TEK: variants seen among roughly 807,000 people sequenced by gnomAD.
TEK encodes TEK receptor tyrosine kinase.
In TEK, 43 loss-of-function variants were observed where a neutral mutation model predicts 131.8. The observed-to-expected ratio is 0.33, with a 90% CI of 0.26 to 0.42. The LOEUF (loss-of-function observed/expected upper bound fraction) is 0.42, where lower values mean the gene tolerates loss of function less well. Ranked by LOEUF, TEK falls within the 10% of genes least tolerant of loss-of-function variation. TEK has a pLI of 1.00. For missense variants in TEK, 1,162 were observed against 1,384.4 expected (o/e 0.84, Z 2.55); for synonymous variants, 580 against 491.6 (o/e 1.18, Z -2.38).
At chr9:27,173,928 T>TA (rs113238770) in intron 6 of TEK, among the ~76,000 whole-genome samples, 22,004 of 141,766 alleles carry the variant, frequency 0.16, 1,755 homozygotes, top group Admixed American at 0.19. Flanking sequence ...AGACCTCGTT[T>TA]AAAAAAAAAA....
At chr9:27,204,828 A>G in intron 13 of TEK, 83 bp from the exon 14 acceptor site, 1 of 1,585,950 alleles carries the variant, frequency 6.3e-7, no homozygotes, top group East Asian at 2.2e-5. Context: ...TTCCCATTAC[A>G]CTGTGTCTTC....
At chr9:27,136,347 T>C (rs1361682005) in intron 1 of TEK, among the ~76,000 whole-genome samples, 1 of 152,166 alleles carries the variant, frequency 6.6e-6, no homozygotes, top group Non-Finnish European at 1.5e-5. Context: ...CCCAAAGTGC[T>C]GGGATTACAG....
At chr9:27,221,793 T>C (rs896156753) in intron 21 of TEK, among the ~76,000 whole-genome samples, 4 of 152,182 alleles carry the variant, frequency 2.6e-5, no homozygotes, top group Admixed American at 6.5e-5. Context: ...GAGAAACCAG[T>C]GCAAAACCGC....
At chr9:27,132,092 T>C (rs1385829237) in intron 1 of TEK, among the ~76,000 whole-genome samples, 2 of 150,748 alleles carry the variant, frequency 1.3e-5, no homozygotes, top group African/African-American at 4.9e-5. Context: ...ATTCTTTTTT[T>C]TTTTTTTTTT....
At position 27,192,574 on chromosome 9, in the gene TEK, T is replaced by G. The variant is rs777754814; in HGVS notation, c.1575T>G (p.Gly525=). 3.1e-6 allele frequency: 5 copies of G among 1,612,652 alleles called. No individual in the cohort carries two copies. Among genetic ancestry groups the G allele is most frequent in the Non-Finnish European group, 3.4e-6 (4 of 1,179,666 alleles). The change falls in exon 11 of 23, where the codon GGT becomes GGG. Residue 525 remains glycine (G), a synonymous_variant. Transcript: ENST00000380036. ...LCVQLVRRGE[G]GEGHPGPVRR... is the part of the protein sequence containing the mutation. ...TGCAACTGGTCCGTCGTGGAGAGGGTGGGGAAGGGCATCCTGGACCTGTGA... is the reference window on the plus strand; with the variant it reads ...TGCAACTGGTCCGTCGTGGAGAGGGGGGGGAAGGGCATCCTGGACCTGTGA...
intron 1 of TEK, among the ~76,000 whole-genome samples, chr9:27,113,589 TAA>T (rs1821433092): frequency 1.3e-3 from 1 of 776 alleles, no homozygotes; most frequent in African/African-American, 1.7e-3. Context: ...TCCGTCTCAA[TAA>T]AATAAAATAA....
chr9:27,137,812 C>T (rs1822540210), intron 1 of TEK, among the ~76,000 whole-genome samples: 1 of 152,052 alleles, frequency 6.6e-6, no homozygotes, highest in Non-Finnish European at 1.5e-5. Context: ...TATTTTTTCT[C>T]TCTGCCTTTC....
At chr9:27,167,871 T>C (rs996485866) in intron 2 of TEK, among the ~76,000 whole-genome samples, 36 of 151,800 alleles carry the variant, frequency 2.4e-4, no homozygotes, top group African/African-American at 6.3e-4. Flanking sequence ...GTTTTTTTTT[T>C]CCCACTTTAA....
At position 27,185,649 on chromosome 9, in the gene TEK, A is replaced by G; in HGVS notation, c.1327+20A>G. On this transcript the variant is annotated intron_variant, in intron 9 of 22. Coordinates refer to ENST00000380036, the MANE Select transcript of TEK (RefSeq NM_000459.5). ...TTAAAGGTAAGTTCATTTCCCAGAA[A>G]AAGGGATTGTGTCCTTGATGCATTA... The G allele has an allele frequency of 6.2e-7, 1 of 1,613,394 alleles. No individual in the cohort carries two copies. Among genetic ancestry groups the G allele is most frequent in the Non-Finnish European group, 8.5e-7 (1 of 1,179,566 alleles).
chr9:27,177,613 G>C (rs577876120), intron 6 of TEK, among the ~76,000 whole-genome samples: 1 of 152,222 alleles, frequency 6.6e-6, no homozygotes, highest in Non-Finnish European at 1.5e-5. Context: ...AGTCAGGCAC[G>C]GTGGTGCATG....
At chr9:27,217,918 G>C (rs1056725906) in intron 19 of TEK, among the ~76,000 whole-genome samples, 160 bp downstream of exon 19, 4 of 152,172 alleles carry the variant, frequency 2.6e-5, no homozygotes, top group African/African-American at 9.7e-5. Flanking sequence ...CCACAGAGTA[G>C]ACAGTTTCCA....
At chr9:27,222,839 G>A (rs1826142640) in intron 21 of TEK, among the ~76,000 whole-genome samples, 1 of 151,972 alleles carries the variant, frequency 6.6e-6, no homozygotes, top group Non-Finnish European at 1.5e-5. Context: ...GCAGCATAAT[G>A]ACAGGATCAA....
intron 1 of TEK, among the ~76,000 whole-genome samples, chr9:27,131,503 A>T (rs962223183): frequency 2.7e-5 from 4 of 149,770 alleles, no homozygotes; most frequent in African/African-American, 4.9e-5. Context: ...AAAAGTTATG[A>T]TAAAATTAAG....
chr9:27,143,342 G>A (rs1252353511), intron 1 of TEK, among the ~76,000 whole-genome samples: 1 of 152,148 alleles, frequency 6.6e-6, no homozygotes, highest in Non-Finnish European at 1.5e-5. Flanking sequence ...TGTCCTGCTG[G>A]CACTTTCTGC....
chr9:27,204,195 A>C (rs74329436), intron 13 of TEK, among the ~76,000 whole-genome samples: 1 of 152,244 alleles, frequency 6.6e-6, no homozygotes. Flanking sequence ...TAGAGATAGA[A>C]GAAAAGATAA....
intron 1 of TEK, among the ~76,000 whole-genome samples, chr9:27,123,816 AC>A (rs5897219): frequency 0.16 from 24,444 of 152,180 alleles, 2,689 homozygotes; most frequent in East Asian, 0.53. Flanking sequence ...TCACTGTGTC[AC>A]CCAGGCAAAA....
At chr9:27,207,606 T>A (rs1825442846) in intron 15 of TEK, among the ~76,000 whole-genome samples, 1 of 152,232 alleles carries the variant, frequency 6.6e-6, no homozygotes, top group Admixed American at 6.5e-5. Flanking sequence ...AAGAGCAGTT[T>A]GTATAAGACT....
intron 15 of TEK, among the ~76,000 whole-genome samples, chr9:27,207,987 G>C (rs953439940): frequency 6.6e-6 from 1 of 152,150 alleles, no homozygotes; most frequent in Admixed American, 6.5e-5. Context: ...AGTGAGAGGA[G>C]AGGGGTGTAG....
intron 10 of TEK, among the ~76,000 whole-genome samples, 194 bp from the exon 11 acceptor site, chr9:27,192,295 C>G (rs1656149355): frequency 6.6e-6 from 1 of 152,050 alleles, no homozygotes; most frequent in Admixed American, 6.6e-5. Context: ...TACATTGTAA[C>G]CTGGAAACAT....
Sources: gnomAD v4.1 joint callset for allele counts (sites outside exome capture counted in the v4.1 genomes callset) on GRCh38, gnomAD v4.1.1 for gene constraint, MANE v1.5 for transcripts, NCBI Gene and HGNC (gene_info 2026-07-23, HGNC 2026-07-21) for gene names.